Variants in ETNK1 observed in about 807,000 individuals in gnomAD.
ETNK1 encodes putative protein product of Nbla10396.
A neutral mutation model predicts 45.1 loss-of-function variants in ETNK1; 8 were observed. The ratio of observed to expected loss-of-function variants is 0.18; its 90% confidence interval spans 0.10 to 0.32. ETNK1 has a LOEUF of 0.32. Among genes scored for constraint, ETNK1 ranks in the 10% least tolerant of loss-of-function variants. ETNK1 has a pLI of 1.00. For synonymous variants in ETNK1, 152 were observed against 151.9 expected (o/e 1.00, Z -0.01); for missense variants, 302 against 430.6 (o/e 0.70, Z 2.64).
chr12:22,651,318 G>C (rs552829120), intron 2 of ETNK1, among the ~76,000 whole-genome samples: 93 of 152,312 alleles, frequency 6.1e-4, no homozygotes, highest in African/African-American at 2.1e-3. Context: ...TGGTGACAAA[G>C]AAAAGGGAAG....
intron 5 of ETNK1, among the ~76,000 whole-genome samples, chr12:22,672,103 TGGAATATTAG>T (rs1954115026): frequency 6.6e-6 from 1 of 152,072 alleles, no homozygotes; most frequent in Non-Finnish European, 1.5e-5. Context: ...CTGGGGCTTT[TGGAATATTAG>T]TTCACTAAAA....
chr12:22,657,463 A>G (rs188076271), intron 2 of ETNK1, among the ~76,000 whole-genome samples: 160 of 152,224 alleles, frequency 1.1e-3, no homozygotes, highest in Admixed American at 1.6e-3. Context: ...CAGGGACTGT[A>G]ACAATGTCAT....
intron 6 of ETNK1, among the ~76,000 whole-genome samples, chr12:22,683,227 A>G (rs1026661288): frequency 1.1e-4 from 17 of 149,286 alleles, no homozygotes; most frequent in East Asian, 2.0e-4. Context: ...ATTCTTTTCT[A>G]TCTCTATATC....
At chr12:22,682,723 A>G (rs1185538809) in intron 6 of ETNK1, among the ~76,000 whole-genome samples, 2 of 151,622 alleles carry the variant, frequency 1.3e-5, no homozygotes, top group African/African-American at 4.8e-5. Context: ...GTGATTTGCT[A>G]CCACTGCCTT....
At position 22,689,824 on chromosome 12, in the gene ETNK1, A is replaced by G. The variant is rs933701132; in HGVS notation, c.*4870A>G. ...ACACACTGAAATTCTTATTTGTCCAATAATCTGAAGTAGTTTCCTATATTT... is the reference window on the plus strand; with the variant it reads ...ACACACTGAAATTCTTATTTGTCCAGTAATCTGAAGTAGTTTCCTATATTT... On this transcript the variant is annotated 3_prime_UTR_variant, in exon 8 of 8. Coordinates refer to ENST00000266517, the MANE Select transcript of ETNK1 (RefSeq NM_018638.5). 1.3e-5 allele frequency: 2 copies of G among 152,016 alleles called. No homozygotes were observed. The highest frequency in any genetic ancestry group is 4.1e-4 in the South Asian group (2 of 4,830). The allele number at this position is 152,016 out of a possible 1,614,324, so 9.4% of individuals were successfully genotyped here. A position where few individuals can be genotyped will look rare whatever the true frequency, so the allele number is the denominator to read the frequency against.
intron 1 of ETNK1, among the ~76,000 whole-genome samples, chr12:22,642,809 G>A (rs1953756267): frequency 6.6e-6 from 1 of 151,852 alleles, no homozygotes; most frequent in African/African-American, 2.4e-5. Flanking sequence ...CCACTTGGGA[G>A]CCTTCAAAAG....
intron 4 of ETNK1, among the ~76,000 whole-genome samples, chr12:22,667,022 T>G (rs1272308150): frequency 3.3e-5 from 5 of 152,168 alleles, no homozygotes; most frequent in Admixed American, 6.5e-5. Flanking sequence ...TAGGGTGGTG[T>G]TTTTAAATGT....
chr12:22,626,381 A>C (rs547957735), intron 1 of ETNK1, among the ~76,000 whole-genome samples: 1 of 152,268 alleles, frequency 6.6e-6, no homozygotes, highest in African/African-American at 2.4e-5. Context: ...AGTTTCAGGA[A>C]CTAGATACAA....
chr12:22,654,149 C>A (rs972816152), intron 2 of ETNK1, among the ~76,000 whole-genome samples: 6 of 152,180 alleles, frequency 3.9e-5, no homozygotes, highest in Non-Finnish European at 5.9e-5. Context: ...TGTGAAAATG[C>A]AGCAAGAAGG....
At chr12:22,650,389 A>T (rs894395748) in intron 2 of ETNK1, among the ~76,000 whole-genome samples, 1 of 151,950 alleles carries the variant, frequency 6.6e-6, no homozygotes, top group African/African-American at 2.4e-5. Flanking sequence ...ATTACGTGTC[A>T]TTAAGTAGGA....
In ETNK1 at chr12:22,643,837, G is replaced by C; in HGVS notation, c.231G>C (p.Val77=). ...VGNTMEDVVL[V]RIYGNKTELL... ...ACACCATGGAGGATGTAGTCCTGGT[G>C]AGAATTTATGGCAATAAGACTGAGT... is the stretch of plus-strand genomic sequence containing the variant. The change falls in exon 2 of 8, where the codon GTG becomes GTC. Residue 77 remains valine (V), a synonymous_variant. Transcript: ENST00000266517. The C allele has an allele frequency of 1.2e-6, 2 of 1,613,450 alleles. No individual in the cohort carries two copies.
Position 22,685,214 on chromosome 12 carries a change from G to C in ETNK1, c.*260G>C. On this transcript the variant is annotated 3_prime_UTR_variant, in exon 8 of 8. Coordinates refer to ENST00000266517, the MANE Select transcript of ETNK1 (RefSeq NM_018638.5). Reference sequence around the variant, plus strand: ...ATAAAGATGTCAGTTTAATTTCTTTGATAATTTAACCTATGTTGTATGTGA... The same window carrying C: ...ATAAAGATGTCAGTTTAATTTCTTTCATAATTTAACCTATGTTGTATGTGA... 1 of 306,902 alleles carries C rather than the reference G, an allele frequency of 3.3e-6. No homozygotes were observed. The highest frequency in any genetic ancestry group is 6.0e-6 in the Non-Finnish European group (1 of 166,564). 19.0% of individuals were successfully genotyped at this position (306,902 alleles called of 1,614,324 possible).
At chr12:22,671,217 A>T in intron 4 of ETNK1, 55 bp from the exon 5 acceptor site, 1 of 1,224,662 alleles carries the variant, frequency 8.2e-7, no homozygotes, top group Non-Finnish European at 1.2e-6. Context: ...TAGCATAGGG[A>T]TTTTCTGATC....
intron 1 of ETNK1, among the ~76,000 whole-genome samples, chr12:22,638,292 C>T (rs1953681517): frequency 6.7e-6 from 1 of 150,186 alleles, no homozygotes; most frequent in Non-Finnish European, 1.5e-5. Context: ...CACTTTGTCT[C>T]CCAGGCTGGA....
intron 4 of ETNK1, among the ~76,000 whole-genome samples, chr12:22,667,683 GA>G (rs1954067624): frequency 6.6e-6 from 1 of 152,168 alleles, no homozygotes; most frequent in Admixed American, 6.5e-5. Flanking sequence ...TAACATTGCA[GA>G]GCAAGTAGGG....
intron 5 of ETNK1, among the ~76,000 whole-genome samples, chr12:22,672,211 A>T (rs983201502): frequency 2.3e-4 from 35 of 152,232 alleles, no homozygotes; most frequent in African/African-American, 7.5e-4. Flanking sequence ...TTAAGTTAAA[A>T]TTACTAGTTT....
At position 22,688,754 on chromosome 12, in the gene ETNK1, G is replaced by T. The variant is rs75654280; in HGVS notation, c.*3800G>T. On this transcript the variant is annotated 3_prime_UTR_variant, in exon 8 of 8. Coordinates refer to ENST00000266517, the MANE Select transcript of ETNK1 (RefSeq NM_018638.5). ...GAGGAAAAATCATTTTAAGTATGTG[G>T]TAAAGCAGCTTCATCTTTCAAAATT... 1 of 152,050 alleles carries T rather than the reference G, an allele frequency of 6.6e-6. No individual in the cohort carries two copies. The highest frequency in any genetic ancestry group is 1.5e-5 in the Non-Finnish European group (1 of 67,736). The allele number at this position is 152,050 out of a possible 1,614,324, so 9.4% of individuals were successfully genotyped here.
chr12:22,632,332 A>G (rs1322540710), intron 1 of ETNK1, among the ~76,000 whole-genome samples: 1 of 151,938 alleles, frequency 6.6e-6, no homozygotes. Context: ...TCTCCTAAAC[A>G]TATTTTACAT....
intron 1 of ETNK1, among the ~76,000 whole-genome samples, chr12:22,627,164 T>G (rs1953513271): frequency 6.6e-6 from 1 of 151,800 alleles, no homozygotes; most frequent in Admixed American, 6.6e-5. Flanking sequence ...TTTTTTTATC[T>G]TAGTCGCCCG....
Sources: allele counts gnomAD v4.1 joint callset (sites outside exome capture counted in the v4.1 genomes callset), GRCh38; gene constraint gnomAD v4.1.1; transcripts MANE v1.5; gene names NCBI Gene and HGNC (gene_info 2026-07-23, HGNC 2026-07-21).